ARHGAP25: variants seen among roughly 807,000 people sequenced by gnomAD.
ARHGAP25 encodes the protein rho GTPase-activating protein 25.
Under a neutral mutation model 71.0 loss-of-function variants are expected in ARHGAP25, and 34 were observed. The observed-to-expected ratio is 0.48, with a 90% confidence interval of 0.36 to 0.64. The LOEUF is 0.64. Among genes scored for constraint, ARHGAP25 ranks in the 30% least tolerant of loss-of-function variants. The pLI is 0.00. For missense variants in ARHGAP25, 706 were observed against 805.1 expected (o/e 0.88, Z 1.49); for synonymous variants, 282 against 296.5 (o/e 0.95, Z 0.50).
At chr2:68,788,067 A>G in intron 4 of ARHGAP25, 111 bp downstream of exon 4, 2 of 857,776 alleles carry the variant, frequency 2.3e-6, no homozygotes, top group Non-Finnish European at 3.8e-6. Context: ...ACAACCAGAA[A>G]GCAGTTCTCT....
chr2:68,782,188 A>G, intron 2 of ARHGAP25, 45 bp from the exon 3 acceptor site: 2 of 1,559,200 alleles, frequency 1.3e-6, no homozygotes, highest in South Asian at 2.2e-5. Context: ...TTTAGTTTAT[A>G]TTAAATTGCT....
chr2:68,743,981 A>G (rs1165998708), intron 1 of ARHGAP25, among the ~76,000 whole-genome samples: 1 of 152,040 alleles, frequency 6.6e-6, no homozygotes, highest in Middle Eastern at 3.2e-3. Context: ...AGGAGAAAAT[A>G]TCTTTAAACC....
At chr2:68,717,972 G>C (rs1674658491) in intron 2 of ARHGAP25, among the ~76,000 whole-genome samples, 1 of 152,070 alleles carries the variant, frequency 6.6e-6, no homozygotes, top group South Asian at 2.1e-4. Context: ...AGAATAGTAA[G>C]TACGGTTTAT....
At chr2:68,816,483 A>G in intron 7 of ARHGAP25, 121 bp downstream of exon 7, 2 of 784,428 alleles carry the variant, frequency 2.5e-6, no homozygotes, top group Admixed American at 2.5e-5. Context: ...TTGGAAGATC[A>G]GCTGTATTCA....
chr2:68,791,575 TAG>T (rs916161053), intron 4 of ARHGAP25, among the ~76,000 whole-genome samples: 1 of 152,108 alleles, frequency 6.6e-6, no homozygotes, highest in Non-Finnish European at 1.5e-5. Context: ...ATGAAAGCTA[TAG>T]AGACTCTCCC....
chr2:68,794,160 G>GT (rs1679378395), intron 4 of ARHGAP25, among the ~76,000 whole-genome samples: 1 of 152,098 alleles, frequency 6.6e-6, no homozygotes, highest in Non-Finnish European at 1.5e-5. Flanking sequence ...AGATCTAAGA[G>GT]TTTTTTGGTG....
chr2:68,801,648 C>A (rs1377807941), intron 4 of ARHGAP25, among the ~76,000 whole-genome samples: 1 of 152,156 alleles, frequency 6.6e-6, no homozygotes, highest in Non-Finnish European at 1.5e-5. Flanking sequence ...CTCTGAGGTC[C>A]ATCACATACC....
intron 2 of ARHGAP25, among the ~76,000 whole-genome samples, chr2:68,715,066 G>C (rs993649580): frequency 6.6e-6 from 1 of 152,156 alleles, no homozygotes; most frequent in East Asian, 1.9e-4. Flanking sequence ...CTGAGCATGA[G>C]GGTGGGGCTT....
chr2:68,812,442 AG>A (rs980893517), intron 5 of ARHGAP25, among the ~76,000 whole-genome samples: 1 of 152,134 alleles, frequency 6.6e-6, no homozygotes, highest in African/African-American at 2.4e-5. Context: ...GCCCACGGGG[AG>A]GCGTCCTCTC....
intron 2 of ARHGAP25, among the ~76,000 whole-genome samples, chr2:68,715,987 T>A (rs978949128): frequency 6.6e-6 from 1 of 152,208 alleles, no homozygotes; most frequent in African/African-American, 2.4e-5. Context: ...CACCTGCCAT[T>A]TCTGAGTCCG....
intron 5 of ARHGAP25, among the ~76,000 whole-genome samples, chr2:68,809,441 G>A (rs1680617943): frequency 6.6e-6 from 1 of 152,214 alleles, no homozygotes; most frequent in Non-Finnish European, 1.5e-5. Context: ...AGTGACCAGT[G>A]TTAGATGATT....
At chr2:68,820,004 A>C (rs1681525708) in intron 9 of ARHGAP25, among the ~76,000 whole-genome samples, 1 of 152,204 alleles carries the variant, frequency 6.6e-6, no homozygotes, top group African/African-American at 2.4e-5. Flanking sequence ...TGGATTTCAA[A>C]TTTCTAGTTG....
chr2:68,820,582 G>A (rs192495941), intron 9 of ARHGAP25, among the ~76,000 whole-genome samples: 18 of 152,242 alleles, frequency 1.2e-4, no homozygotes, highest in Admixed American at 7.2e-4. Context: ...CCAAAAGGCC[G>A]AGAAGTGATT....
At chr2:68,748,595 G>A (rs2104308752) in intron 1 of ARHGAP25, among the ~76,000 whole-genome samples, 1 of 152,282 alleles carries the variant, frequency 6.6e-6, no homozygotes, top group East Asian at 1.9e-4. Flanking sequence ...CTTTTCTGCA[G>A]CCCAGTGAAA....
intron 1 of ARHGAP25, among the ~76,000 whole-genome samples, chr2:68,739,614 T>A (rs1226880270): frequency 6.6e-6 from 1 of 152,138 alleles, no homozygotes; most frequent in South Asian, 2.1e-4. Context: ...TGAACTTGTG[T>A]TAAGATACAA....
At chr2:68,797,579 C>T (rs1380736124) in intron 4 of ARHGAP25, among the ~76,000 whole-genome samples, 1 of 152,208 alleles carries the variant, frequency 6.6e-6, no homozygotes, top group Non-Finnish European at 1.5e-5. Context: ...GGAGCCCACT[C>T]CACACTTGCT....
intron 2 of ARHGAP25, among the ~76,000 whole-genome samples, chr2:68,727,019 A>G (rs1674899900): frequency 6.6e-6 from 1 of 152,218 alleles, no homozygotes; most frequent in Non-Finnish European, 1.5e-5. Flanking sequence ...TAGACTATTA[A>G]AATCCAAATA....
intron 1 of ARHGAP25, among the ~76,000 whole-genome samples, chr2:68,744,778 CAGT>C (rs1161923459): frequency 6.6e-6 from 1 of 152,218 alleles, no homozygotes; most frequent in Admixed American, 6.5e-5. Flanking sequence ...GCGGACAATG[CAGT>C]TGCATTTCCA....
intron 4 of ARHGAP25, 88 bp downstream of exon 4, chr2:68,788,044 G>C: frequency 2.0e-6 from 2 of 1,015,588 alleles, no homozygotes; most frequent in Non-Finnish European, 1.5e-6. Context: ...TCCTTGAGCA[G>C]TGCTCAAGGG....
Sources: gnomAD v4.1 joint callset for allele counts (sites outside exome capture counted in the v4.1 genomes callset) on GRCh38, gnomAD v4.1.1 for gene constraint, MANE v1.5 for transcripts, NCBI Gene and HGNC (gene_info 2026-07-23, HGNC 2026-07-21) for gene names.